SPAG16: variants seen among roughly 807,000 people sequenced by gnomAD.
The protein encoded by SPAG16 is sperm associated antigen 16.
SPAG16 carries 86 observed loss-of-function variants against 80.4 expected under a neutral mutation model. That is an observed-to-expected ratio of 1.07 (90% CI 0.90 to 1.28). SPAG16 has a LOEUF of 1.28. Among genes scored for constraint, SPAG16 ranks in the 50% most tolerant of loss-of-function variants. SPAG16 has a pLI of 0.00. For missense variants in SPAG16, 870 were observed against 765.3 expected, an observed-to-expected ratio of 1.14 and a Z score of -1.61; for synonymous variants, 294 against 265.9, an observed-to-expected ratio of 1.11 and a Z score of -1.03.
rs534858661 is a variant in SPAG16, at chr2:213,285,372, C to T, written c.136+753C>T. Among the ~76,000 whole-genome samples the T allele has an allele frequency of 3.3e-5, 5 of 152,254 alleles. No individual in the cohort carries two copies. The South Asian group carries it at 6.2e-4, about 19-fold the overall frequency. ...TGTGTAAGGCTTTAGAACTTCTTTC[C>T]TCTAGTTATATAGATTAATTCCTAC... On this transcript the variant is annotated intron_variant, in intron 1 of 15. Coordinates refer to ENST00000331683, the MANE Select transcript of SPAG16 (RefSeq NM_024532.5).
rs563649391 is a variant in SPAG16, at chr2:213,862,774, C to A, written c.1214+146C>A. ...GAATTTCAAAGTGTATAGACAAATT[C>A]CCCTTTGGTTTTCAGTATATTGACT... On this transcript the variant is annotated intron_variant, in intron 11 of 15. Coordinates refer to ENST00000331683, the MANE Select transcript of SPAG16 (RefSeq NM_024532.5). 28 of 872,546 alleles carry A rather than the reference C, an allele frequency of 3.2e-5. No homozygotes were observed. In the East Asian group the frequency reaches 7.2e-4, roughly 22 times the overall value. 54.1% of individuals were successfully genotyped at this position (872,546 alleles called of 1,614,324 possible).
rs549431201 is a variant in SPAG16 at position 213,936,955 on chromosome 2, A to C, written c.1400+6810A>C. Among the ~76,000 whole-genome samples the C allele has an allele frequency of 6.6e-5, 10 of 152,316 alleles. No homozygotes were observed. The South Asian group carries it at 2.1e-3, about 32-fold the overall frequency. On this transcript the variant is annotated intron_variant, in intron 12 of 15. Coordinates refer to ENST00000331683, the MANE Select transcript of SPAG16 (RefSeq NM_024532.5). ...AAGTCTATTTGTAAAGAAAACAGAT[A>C]AATTAAGAAAGAGGAAATATGAAAT...
intron 11 of SPAG16, among the ~76,000 whole-genome samples, chr2:213,898,644 C>T (rs2077091201): frequency 6.6e-6 from 1 of 152,126 alleles, no homozygotes; most frequent in Non-Finnish European, 1.5e-5. Flanking sequence ...ATTGTTATCA[C>T]TGCTTCTTTC....
At chr2:213,664,262 CCTTTA>C (rs2063524932) in intron 10 of SPAG16, among the ~76,000 whole-genome samples, 1 of 152,016 alleles carries the variant, frequency 6.6e-6, no homozygotes, top group Non-Finnish European at 1.5e-5. Context: ...GTCTTGAAAT[CCTTTA>C]CTTAACACAT....
At chr2:213,793,636 A>G (rs990070711) in intron 10 of SPAG16, among the ~76,000 whole-genome samples, 4 of 152,240 alleles carry the variant, frequency 2.6e-5, no homozygotes, top group Non-Finnish European at 5.9e-5. Flanking sequence ...GTCTACCTAC[A>G]TCTATTGTAA....
intron 15 of SPAG16, among the ~76,000 whole-genome samples, chr2:214,373,763 T>C (rs1000610489): frequency 6.6e-6 from 1 of 152,214 alleles, no homozygotes; most frequent in African/African-American, 2.4e-5. Context: ...TACCTTTTTT[T>C]ATCTGCTTCC....
chr2:213,573,972 A>G (rs1348945038), intron 10 of SPAG16, among the ~76,000 whole-genome samples: 2 of 152,192 alleles, frequency 1.3e-5, no homozygotes, highest in African/African-American at 4.8e-5. Context: ...TGAAGGAGGT[A>G]AGGTCTGAGA....
chr2:214,228,300 T>C (rs1559141657), intron 15 of SPAG16, among the ~76,000 whole-genome samples: 1 of 151,972 alleles, frequency 6.6e-6, no homozygotes, highest in Admixed American at 6.6e-5. Context: ...TGAAAAAGTT[T>C]TCTCAAAAGC....
chr2:213,456,121 G>A (rs548414871), intron 9 of SPAG16, among the ~76,000 whole-genome samples: 2 of 152,280 alleles, frequency 1.3e-5, no homozygotes, highest in South Asian at 2.1e-4. Context: ...ACTTTTGTGC[G>A]TAAGGTATTT....
At chr2:214,266,355 A>C (rs936094974) in intron 15 of SPAG16, among the ~76,000 whole-genome samples, 6 of 151,922 alleles carry the variant, frequency 3.9e-5, no homozygotes, top group African/African-American at 1.4e-4. Context: ...TTTGCATGGA[A>C]GTTTTTCAAG....
chr2:213,447,706 G>GTC (rs1237879720), intron 9 of SPAG16, among the ~76,000 whole-genome samples: 1 of 152,226 alleles, frequency 6.6e-6, no homozygotes, highest in Non-Finnish European at 1.5e-5. Flanking sequence ...ACAGAGTTGT[G>GTC]TTAAGCCTCC....
chr2:214,175,210 T>A (rs1033386433), intron 15 of SPAG16, among the ~76,000 whole-genome samples: 6 of 128,356 alleles, frequency 4.7e-5, no homozygotes, highest in Non-Finnish European at 1.1e-4. Flanking sequence ...TATATATATA[T>A]AAAGAAATGT....
At chr2:214,327,123 A>G (rs555761216) in intron 15 of SPAG16, among the ~76,000 whole-genome samples, 2 of 152,298 alleles carry the variant, frequency 1.3e-5, no homozygotes, top group Admixed American at 1.3e-4. Flanking sequence ...CATTTTTATA[A>G]ATACCTTTCA....
At chr2:214,021,234 T>A (rs1304634267) in intron 13 of SPAG16, among the ~76,000 whole-genome samples, 9 of 152,172 alleles carry the variant, frequency 5.9e-5, no homozygotes, top group Admixed American at 2.6e-4. Context: ...TCTGACTTTT[T>A]ACAAAATATT....
intron 14 of SPAG16, among the ~76,000 whole-genome samples, chr2:214,130,012 A>G (rs1425676772): frequency 6.6e-6 from 1 of 152,188 alleles, no homozygotes; most frequent in African/African-American, 2.4e-5. Context: ...GGGGAGGCAT[A>G]GCCTACAATA....
At chr2:213,909,926 C>A (rs1418996416) in intron 11 of SPAG16, among the ~76,000 whole-genome samples, 1 of 152,128 alleles carries the variant, frequency 6.6e-6, no homozygotes, top group Non-Finnish European at 1.5e-5. Flanking sequence ...GGAGGGTTTT[C>A]ACAAACTGTA....
At chr2:213,553,515 T>C (rs1179541701) in intron 10 of SPAG16, among the ~76,000 whole-genome samples, 1 of 152,212 alleles carries the variant, frequency 6.6e-6, no homozygotes, top group African/African-American at 2.4e-5. Flanking sequence ...TTAACAATCC[T>C]CTGTTAAAAG....
intron 10 of SPAG16, among the ~76,000 whole-genome samples, chr2:213,852,510 C>T (rs1159455397): frequency 6.6e-6 from 1 of 152,140 alleles, no homozygotes; most frequent in African/African-American, 2.4e-5. Context: ...TCTCTTCAGT[C>T]ACCTCGGCTT....
chr2:213,675,243 C>T (rs1418739496), intron 10 of SPAG16, among the ~76,000 whole-genome samples: 16 of 151,906 alleles, frequency 1.1e-4, no homozygotes, highest in Non-Finnish European at 2.1e-4. Context: ...TTTGCTTTTT[C>T]CTTGTAAATT....
Sources: allele counts gnomAD v4.1 joint callset (sites outside exome capture counted in the v4.1 genomes callset), GRCh38; gene constraint gnomAD v4.1.1; transcripts MANE v1.5; gene names NCBI Gene and HGNC (gene_info 2026-07-23, HGNC 2026-07-21).